MEF2A: variants seen among roughly 807,000 people sequenced by gnomAD.
The protein encoded by MEF2A is myocyte enhancer factor 2A.
MEF2A carries 28 observed loss-of-function variants against 55.8 expected under a neutral mutation model. The ratio of observed to expected loss-of-function variants is 0.50; its 90% CI spans 0.37 to 0.69. MEF2A has a LOEUF of 0.69. MEF2A is among the 30% of genes least tolerant of loss of function. The probability of loss-of-function intolerance (pLI) is 0.00; values close to 1 mark genes in which losing one functional copy is unlikely to be tolerated. For synonymous variants in MEF2A, 239 were observed against 227.1 expected, an observed-to-expected ratio of 1.05 and a Z score of -0.47; for missense variants, 528 against 626.2, an observed-to-expected ratio of 0.84 and a Z score of 1.67.
intron 1 of MEF2A, among the ~76,000 whole-genome samples, chr15:99,586,270 A>C (rs536877260): frequency 6.6e-6 from 1 of 152,316 alleles, no homozygotes; most frequent in South Asian, 2.1e-4. Context: ...TTTCCAAAGT[A>C]GTTGTATGAT....
At chr15:99,689,432 C>T (rs2054930074) in intron 7 of MEF2A, among the ~76,000 whole-genome samples, 1 of 152,094 alleles carries the variant, frequency 6.6e-6, no homozygotes, top group Non-Finnish European at 1.5e-5. Flanking sequence ...TATAATACCT[C>T]CATTATTTTA....
At chr15:99,568,659 G>A (rs75723391) in intron 1 of MEF2A, among the ~76,000 whole-genome samples, 1 of 152,148 alleles carries the variant, frequency 6.6e-6, no homozygotes, top group South Asian at 2.1e-4. Flanking sequence ...GAACAAATTT[G>A]TTACTGAAAA....
At chr15:99,586,073 A>G (rs1967140925) in intron 1 of MEF2A, among the ~76,000 whole-genome samples, 2 of 152,134 alleles carry the variant, frequency 1.3e-5, no homozygotes, top group South Asian at 4.1e-4. Flanking sequence ...TTTAAACTAC[A>G]ATTTTGCTGT....
intron 1 of MEF2A, among the ~76,000 whole-genome samples, chr15:99,571,572 A>G (rs1962317856): frequency 6.6e-6 from 1 of 152,184 alleles, no homozygotes; most frequent in Non-Finnish European, 1.5e-5. Flanking sequence ...ATTAGCGCTA[A>G]TCTGAAAAGG....
At chr15:99,620,553 G>A (rs1380595911) in intron 2 of MEF2A, among the ~76,000 whole-genome samples, 2 of 152,150 alleles carry the variant, frequency 1.3e-5, no homozygotes, top group South Asian at 4.1e-4. Flanking sequence ...GTTCCATGGT[G>A]TATATGCATC....
chr15:99,622,548 A>G (rs1390944219), intron 2 of MEF2A, among the ~76,000 whole-genome samples: 1 of 152,172 alleles, frequency 6.6e-6, no homozygotes, highest in Non-Finnish European at 1.5e-5. Flanking sequence ...AATTGTACAT[A>G]AATTTTTTGA....
intron 7 of MEF2A, among the ~76,000 whole-genome samples, chr15:99,677,684 C>G (rs2052397763): frequency 6.6e-6 from 1 of 152,054 alleles, no homozygotes; most frequent in African/African-American, 2.4e-5. Context: ...TTTTCCAAAA[C>G]TAACAACAAC....
chr15:99,595,709 GAGTGATGGTGAT>G (rs2153013158), intron 1 of MEF2A, among the ~76,000 whole-genome samples: 1 of 152,292 alleles, frequency 6.6e-6, no homozygotes, highest in East Asian at 1.9e-4. Context: ...TACCCCCTGG[GAGTGATGGTGAT>G]AGTTAAGGTG....
chr15:99,638,265 T>C (rs2044244063), intron 3 of MEF2A, among the ~76,000 whole-genome samples: 1 of 152,154 alleles, frequency 6.6e-6, no homozygotes, highest in Non-Finnish European at 1.5e-5. Flanking sequence ...AAAAAAATTT[T>C]TTTTTTAAAG....
chr15:99,635,398 G>C (rs1342912828), intron 3 of MEF2A, among the ~76,000 whole-genome samples: 4 of 152,190 alleles, frequency 2.6e-5, no homozygotes, highest in Non-Finnish European at 4.4e-5. Flanking sequence ...CTTCCACTTA[G>C]AAGCCTCTGG....
intron 4 of MEF2A, among the ~76,000 whole-genome samples, chr15:99,661,414 T>G (rs1265286406): frequency 9.4e-6 from 1 of 106,346 alleles, no homozygotes; most frequent in African/African-American, 3.5e-5. Flanking sequence ...AAGATAAGCG[T>G]TTTTTTTTTT....
At chr15:99,688,984 C>T (rs771971525) in intron 7 of MEF2A, among the ~76,000 whole-genome samples, 15 of 152,076 alleles carry the variant, frequency 9.9e-5, no homozygotes, top group South Asian at 2.1e-4. Context: ...ACCCAGTCCA[C>T]GTGGTTGCTA....
chr15:99,588,902 C>T (rs2152943323), intron 1 of MEF2A, among the ~76,000 whole-genome samples: 1 of 152,112 alleles, frequency 6.6e-6, no homozygotes, highest in Middle Eastern at 3.4e-3. Context: ...ACCTTGTATT[C>T]CTGAGACAAA....
At chr15:99,650,131 C>T (rs1041368936) in intron 4 of MEF2A, among the ~76,000 whole-genome samples, 16 of 152,052 alleles carry the variant, frequency 1.1e-4, no homozygotes, top group African/African-American at 3.9e-4. Flanking sequence ...AAAAATTCTT[C>T]TCGCAGTATC....
intron 7 of MEF2A, among the ~76,000 whole-genome samples, chr15:99,682,042 A>G (rs1179119349): frequency 1.3e-5 from 2 of 152,254 alleles, no homozygotes; most frequent in African/African-American, 2.4e-5. Flanking sequence ...TGAGTTTTTC[A>G]GAATCCTTTG....
chr15:99,572,667 CATAGTT>C (rs1962824146), intron 1 of MEF2A, among the ~76,000 whole-genome samples: 1 of 152,220 alleles, frequency 6.6e-6, no homozygotes, highest in African/African-American at 2.4e-5. Flanking sequence ...GTCTTGCACA[CATAGTT>C]ATAGTTATTG....
chr15:99,672,570 T>C (rs1451232964), intron 5 of MEF2A, among the ~76,000 whole-genome samples: 4 of 152,356 alleles, frequency 2.6e-5, no homozygotes, highest in African/African-American at 9.6e-5. Context: ...TCAGAGTTAA[T>C]TCTTTCAAAA....
intron 4 of MEF2A, among the ~76,000 whole-genome samples, chr15:99,660,748 T>A (rs2048483192): frequency 6.6e-6 from 1 of 152,240 alleles, no homozygotes; most frequent in African/African-American, 2.4e-5. Flanking sequence ...AGAGATAATA[T>A]ATTATGACTA....
intron 1 of MEF2A, among the ~76,000 whole-genome samples, chr15:99,592,829 G>A (rs773389625): frequency 4.9e-4 from 74 of 152,256 alleles, no homozygotes; most frequent in Middle Eastern, 3.4e-3. Flanking sequence ...CTCTCACCAA[G>A]TCCCACCTCC....
Sources: gnomAD v4.1 joint callset for allele counts (sites outside exome capture counted in the v4.1 genomes callset) on GRCh38, gnomAD v4.1.1 for gene constraint, MANE v1.5 for transcripts, NCBI Gene and HGNC (gene_info 2026-07-23, HGNC 2026-07-21) for gene names.